SPNS2: variants seen among roughly 807,000 people sequenced by gnomAD.
The protein encoded by SPNS2 is SPNS lysolipid transporter 2, sphingosine-1-phosphate, also known as sphingosine-1-phosphate transporter SPNS2.
SPNS2 carries 37 observed loss-of-function variants against 57.6 expected under a neutral mutation model. That is an observed-to-expected ratio of 0.64 (90% CI 0.49 to 0.85). The LOEUF (loss-of-function observed/expected upper bound fraction) is 0.85, where lower values mean the gene tolerates loss of function less well. Among genes scored for constraint, SPNS2 ranks in the 40% least tolerant of loss-of-function variants. SPNS2 has a pLI of 0.00. For synonymous variants in SPNS2, 440 were observed against 346.9 expected (o/e 1.27, Z -2.98); for missense variants, 831 against 779.1 (o/e 1.07, Z -0.79).
At chr17:4,525,247 G>C in intron 3 of SPNS2, 54 bp downstream of exon 3, 27 of 1,595,500 alleles carry the variant, frequency 1.7e-5, no homozygotes, top group Non-Finnish European at 2.3e-5. Context: ...CCTCCAGCGA[G>C]TGGCTAGTCT....
Position 4,536,308 on chromosome 17 carries a change from G to A in SPNS2, c.1489G>A (p.Glu497Lys). 2 of 1,612,612 alleles carry A rather than the reference G, an allele frequency of 1.2e-6. No individual in the cohort carries two copies. The highest frequency in any genetic ancestry group is 2.2e-5 in the East Asian group (1 of 44,884). ...RQSTKDSPLW[E>K]FLSLGYALML... ...GAGCACTAAGGACTCCCCGCTCTGG[G>A]AGTTCCTGAGCCTGGGCTACGCGCT... The change falls in exon 11 of 13, where the codon GAG becomes AAG. Residue 497 changes from glutamate (E) to lysine (K), a missense_variant. Transcript: ENST00000329078.
intron 1 of SPNS2, among the ~76,000 whole-genome samples, chr17:4,508,826 A>G (rs1904751833): frequency 6.6e-6 from 1 of 152,090 alleles, no homozygotes; most frequent in African/African-American, 2.4e-5. Flanking sequence ...GGACTGATGG[A>G]CGACTCTGAG....
At chr17:4,519,605 G>GTACACGTGAGCTGAGCGAGGGCTTCCC (rs148995586) in intron 2 of SPNS2, among the ~76,000 whole-genome samples, 1 of 151,794 alleles carries the variant, frequency 6.6e-6, no homozygotes, top group African/African-American at 2.4e-5. Context: ...TGTGGGCTCA[G>GTACACGTGAGCTGAGCGAGGGCTTCCC]CACACCCTCC....
chr17:4,506,682 C>T (rs775896793), intron 1 of SPNS2, among the ~76,000 whole-genome samples: 1 of 152,200 alleles, frequency 6.6e-6, no homozygotes, highest in Non-Finnish European at 1.5e-5. Context: ...GCGGGGTCTG[C>T]GGGCAGGACT....
intron 1 of SPNS2, among the ~76,000 whole-genome samples, chr17:4,504,912 G>T (rs1394804686): frequency 6.6e-6 from 1 of 152,202 alleles, no homozygotes; most frequent in Non-Finnish European, 1.5e-5. Flanking sequence ...CCCAAGGATA[G>T]TGTGGTGCAC....
chr17:4,530,620 C>A lies in SPNS2; in HGVS notation c.574-12C>A. Reference sequence around the variant, plus strand: ...TAGTCGGTCCCCCAGCATCCTCCACCCCTCCTCACAGTACTTCTGGCTGCT... The same window carrying A: ...TAGTCGGTCCCCCAGCATCCTCCACACCTCCTCACAGTACTTCTGGCTGCT... On this transcript the variant is annotated splice_polypyrimidine_tract_variant and intron_variant, in intron 3 of 12. Coordinates refer to ENST00000329078, the MANE Select transcript of SPNS2 (RefSeq NM_001124758.3). The A allele has an allele frequency of 1.2e-6, 2 of 1,607,870 alleles. No homozygotes were observed. The highest frequency in any genetic ancestry group is 1.7e-6 in the Non-Finnish European group (2 of 1,176,982).
chr17:4,499,372 A>C lies in SPNS2; in HGVS notation c.325A>C (p.Ser109Arg). 5.0e-6 allele frequency: 7 copies of C among 1,412,764 alleles called. No individual in the cohort carries two copies. The highest frequency in any genetic ancestry group is 6.4e-6 in the Non-Finnish European group (7 of 1,086,984). The allele number at this position is 1,412,764 out of a possible 1,614,324, so 87.5% of individuals were successfully genotyped here. Residue 109 changes from serine to arginine, a missense_variant, in exon 1 of 13, where the codon AGC becomes CGC. Around this residue, in one of 2 missense-constraint regions of SPNS2, gnomAD observed 305 missense variants for 378.3 expected, o/e 0.81. Transcript: ENST00000329078. This position sits in a 1 kb window ranked among gnomAD's most constrained non-coding sequence, Gnocchi z 5.2. Reference sequence around the variant, plus strand: ...GCGGGGGGCAGCCGCCGCCATCCTCAGCTTGGGCAACGTGCTCAACTACCT... The same window carrying C: ...GCGGGGGGCAGCCGCCGCCATCCTCCGCTTGGGCAACGTGCTCAACTACCT... ...RGRGAAAAILSLGNVLNYLDR... is the reference protein window; with the variant it reads ...RGRGAAAAILRLGNVLNYLDR...
chr17:4,518,482 C>T (rs1469370456), intron 2 of SPNS2, among the ~76,000 whole-genome samples: 2 of 152,212 alleles, frequency 1.3e-5, no homozygotes. Context: ...GAGATCGCGC[C>T]ACTGCACTCC....
Position 4,499,193 on chromosome 17 carries a change from G to T in SPNS2, c.146G>T (p.Gly49Val). Residue 49 changes from glycine to valine, a missense_variant, in exon 1 of 13, where the codon GGA becomes GTA. This residue lies in a region of SPNS2 where 305 missense variants were observed against 378.3 expected (regional missense o/e 0.81). Coordinates refer to ENST00000329078, the MANE Select transcript of SPNS2 (RefSeq NM_001124758.3). This position sits in a 1 kb window ranked among gnomAD's most constrained non-coding sequence, Gnocchi z 5.2. The part of the protein sequence containing the change: ...CCGARGAGGA[G>V]VSAAGDEVQT... ...GGGGCGCGGGGCGCGGGCGGCGCTG[G>T]AGTCTCGGCCGCGGGCGATGAGGTG... 7.4e-7 allele frequency: 1 copy of T among 1,358,116 alleles called. No homozygotes were observed. Among genetic ancestry groups the T allele is most frequent in the Non-Finnish European group, 9.5e-7 (1 of 1,055,306 alleles). 84.1% of individuals were successfully genotyped at this position (1,358,116 alleles called of 1,614,324 possible).
At chr17:4,535,986 T>TG (rs1178206498) in intron 9 of SPNS2, 90 bp from the exon 10 acceptor site, 17 of 1,063,310 alleles carry the variant, frequency 1.6e-5, no homozygotes, top group Non-Finnish European at 2.4e-5. Context: ...TCTGAGGGTG[T>TG]GGGGGCTTCA....
At chr17:4,502,214 CTAAAG>C (rs1469760947) in intron 1 of SPNS2, among the ~76,000 whole-genome samples, 1 of 151,932 alleles carries the variant, frequency 6.6e-6, no homozygotes, top group Non-Finnish European at 1.5e-5. Context: ...CCCATCTCTA[CTAAAG>C]TAAATACAAA....
In SPNS2 at chr17:4,511,797, G is replaced by A. The variant is rs1037125774; in HGVS notation, c.371-1450G>A. 2.6e-5 allele frequency among the ~76,000 whole-genome samples: 4 copies of A among 152,202 alleles called. No individual in the cohort carries two copies. The highest frequency in any genetic ancestry group is 4.8e-5 in the African/African-American group (2 of 41,454). On this transcript the variant is annotated intron_variant, in intron 1 of 12. Transcript: ENST00000329078. The surrounding 1 kb of genome is among the most constrained non-coding windows in gnomAD (Gnocchi z 4.6). ...TGTCAGGCTGCTGGGACATCCGCCC[G>A]TCTGTCCTGCATTCCGGGAAATTGC...
chr17:4,533,109 G>C lies in SPNS2; in HGVS notation c.1068G>C (p.Pro356=). 2 of 1,611,146 alleles carry C rather than the reference G, an allele frequency of 1.2e-6. No individual in the cohort carries two copies. The highest frequency in any genetic ancestry group is 1.7e-6 in the Non-Finnish European group (2 of 1,178,864). ...VQKTAETCNS[P]PCGAKDSLIF... ...AGACAGCAGAGACGTGCAACAGCCCGCCCTGTGGGGCCAAGGACAGGTGGG... is the reference window on the plus strand; with the variant it reads ...AGACAGCAGAGACGTGCAACAGCCCCCCCTGTGGGGCCAAGGACAGGTGGG... Residue 356 remains proline, a synonymous_variant, in exon 7 of 13, where the codon CCG becomes CCC. Transcript: ENST00000329078.
intron 11 of SPNS2, 136 bp downstream of exon 11, chr17:4,536,562 G>T: frequency 8.7e-7 from 1 of 1,153,876 alleles, no homozygotes; most frequent in Non-Finnish European, 1.2e-6. Context: ...TGGTTGCTGG[G>T]GTCCAGCCCT....
At chr17:4,517,293 G>T (rs1859390412) in intron 2 of SPNS2, among the ~76,000 whole-genome samples, 2 of 151,950 alleles carry the variant, frequency 1.3e-5, no homozygotes, top group African/African-American at 4.8e-5. Flanking sequence ...CATTCCTTAG[G>T]GAATTCTTCA....
chr17:4,507,713 T>C (rs780335989), intron 1 of SPNS2, among the ~76,000 whole-genome samples: 1 of 152,148 alleles, frequency 6.6e-6, no homozygotes, highest in Non-Finnish European at 1.5e-5. Flanking sequence ...CAGGCTCAGG[T>C]AGGGTGAACG....
intron 9 of SPNS2, chr17:4,534,261 AGGCTGTCTTC>A (rs943417077): frequency 3.8e-6 from 1 of 263,436 alleles, no homozygotes; most frequent in African/African-American, 2.2e-5. Flanking sequence ...GGGCGGACAG[AGGCTGTCTTC>A]ACAGGGCCAA....
At chr17:4,516,546 G>A (rs1669665210) in intron 2 of SPNS2, among the ~76,000 whole-genome samples, 1 of 152,152 alleles carries the variant, frequency 6.6e-6, no homozygotes, top group Admixed American at 6.5e-5. Flanking sequence ...AGGCACAGGG[G>A]GCTGTGGGAG....
At chr17:4,524,633 G>A (rs911559773) in intron 2 of SPNS2, among the ~76,000 whole-genome samples, 6 of 152,190 alleles carry the variant, frequency 3.9e-5, no homozygotes, top group African/African-American at 7.2e-5. Context: ...GCAGTGAGCC[G>A]AGAGTGTGCC....
Sources: gnomAD v4.1 joint callset for allele counts (sites outside exome capture counted in the v4.1 genomes callset) on GRCh38, gnomAD v4.1.1 for gene constraint, gnomAD v4.1.1 regional missense constraint, Gnocchi (gnomAD v3.1) non-coding constraint, MANE v1.5 for transcripts, NCBI Gene and HGNC (gene_info 2026-07-23, HGNC 2026-07-21) for gene names.